PARD3: variants seen among roughly 807,000 people sequenced by gnomAD.
The protein encoded by PARD3 is par-3 family cell polarity regulator.
A neutral mutation model predicts 155.4 loss-of-function variants in PARD3; 75 were observed. The observed-to-expected ratio is 0.48, with a 90% CI of 0.40 to 0.58. The LOEUF (loss-of-function observed/expected upper bound fraction) is 0.58. Among genes scored for constraint, PARD3 ranks in the 20% least tolerant of loss-of-function variants. The pLI is 0.00. For missense variants in PARD3, 1,642 were observed against 1,721.7 expected, an observed-to-expected ratio of 0.95 and a Z score of 0.82; for synonymous variants, 576 against 610.5, an observed-to-expected ratio of 0.94 and a Z score of 0.83.
intron 12 of PARD3, among the ~76,000 whole-genome samples, chr10:34,366,606 T>A (rs1282586176): frequency 6.6e-6 from 1 of 152,090 alleles, no homozygotes; most frequent in African/African-American, 2.4e-5. Flanking sequence ...GAAATTTTCA[T>A]AGACATTAAA....
chr10:34,265,239 G>A (rs1955241561), intron 22 of PARD3, among the ~76,000 whole-genome samples: 1 of 152,026 alleles, frequency 6.6e-6, no homozygotes, highest in Non-Finnish European at 1.5e-5. Flanking sequence ...AACAGACATG[G>A]GACTATTTCT....
intron 23 of PARD3, among the ~76,000 whole-genome samples, chr10:34,130,342 C>T (rs1274923724): frequency 6.6e-6 from 1 of 152,156 alleles, no homozygotes. Flanking sequence ...GACTCCAGCA[C>T]CTCCCTTGGC....
At chr10:34,724,666 T>G (rs193136746) in intron 1 of PARD3, among the ~76,000 whole-genome samples, 3 of 152,242 alleles carry the variant, frequency 2.0e-5, no homozygotes, top group African/African-American at 7.2e-5. Flanking sequence ...GACCACAAAA[T>G]ATTTTTGTTT....
At chr10:34,184,615 G>C (rs1013893379) in intron 22 of PARD3, among the ~76,000 whole-genome samples, 1 of 151,886 alleles carries the variant, frequency 6.6e-6, no homozygotes, top group African/African-American at 2.4e-5. Flanking sequence ...TCTTTAACTA[G>C]GTCTTCCTCT....
rs370694797 is a variant in PARD3 at position 34,316,891 on chromosome 10, T to TTTTA, written c.3065+212_3065+215dup. ...GTTTTCAAATCTGTGCTTTCAGTGC[T>TTTTA]TTTATTTATTTATTTATTTATTTTA... On this transcript the variant is annotated intron_variant, in intron 20 of 24. Coordinates refer to ENST00000374788, the MANE Select transcript of PARD3 (RefSeq NM_001184785.2). 8.4e-3 allele frequency among the ~76,000 whole-genome samples: 1,278 copies of TTTTA among 152,204 alleles called. 13 individuals carry two copies. The highest frequency in any genetic ancestry group is 0.025 in the South Asian group (122 of 4,814).
At chr10:34,204,919 G>A (rs780811879) in intron 22 of PARD3, among the ~76,000 whole-genome samples, 65 of 152,094 alleles carry the variant, frequency 4.3e-4, no homozygotes, top group Non-Finnish European at 8.1e-4. Flanking sequence ...TCATATTAAA[G>A]AACTCCAATA....
At chr10:34,762,917 T>C (rs1837636329) in intron 1 of PARD3, among the ~76,000 whole-genome samples, 1 of 152,198 alleles carries the variant, frequency 6.6e-6, no homozygotes. Context: ...ATAAGAAACA[T>C]TGTACATCAG....
At chr10:34,351,388 T>C (rs942306194) in intron 14 of PARD3, among the ~76,000 whole-genome samples, 2 of 152,172 alleles carry the variant, frequency 1.3e-5, no homozygotes, top group Non-Finnish European at 2.9e-5. Flanking sequence ...TATGTGGAAA[T>C]AGGCTGTTAA....
chr10:34,284,162 C>G lies in PARD3; in HGVS notation c.3149G>C (p.Arg1050Thr), dbSNP rs151262852. 9.4e-6 allele frequency: 15 copies of G among 1,601,252 alleles called. No individual in the cohort carries two copies. The African/African-American group carries it at 2.0e-4, about 22-fold the overall frequency. Reference sequence around the variant, plus strand: ...CTCCTGCTCCTGCTTCATTCGTATCCTCTCCTCTTCTGATGTAAAGGATTC... The same window carrying G: ...CTCCTGCTCCTGCTTCATTCGTATCGTCTCCTCTTCTGATGTAAAGGATTC... Reference protein sequence around the residue: ...IQESFTSEEERIRMKQEQERI... With the variant: ...IQESFTSEEETIRMKQEQERI... Residue 1050 changes from arginine to threonine, a missense_variant, in exon 21 of 25, where the codon AGG becomes ACG. Around this residue, in one of 3 missense-constraint regions of PARD3, gnomAD observed 1,529 missense variants for 1,587.3 expected, o/e 0.96. Coordinates refer to ENST00000374788, the MANE Select transcript of PARD3 (RefSeq NM_001184785.2).
chr10:34,641,584 T>C (rs1000232683), intron 2 of PARD3, among the ~76,000 whole-genome samples: 2 of 152,216 alleles, frequency 1.3e-5, no homozygotes, highest in Non-Finnish European at 2.9e-5. Flanking sequence ...GAGGCCATTC[T>C]GCACACAGCC....
intron 15 of PARD3, chr10:34,346,357 C>T: frequency 1.6e-6 from 2 of 1,285,310 alleles, no homozygotes; most frequent in Non-Finnish European, 1.0e-6. Flanking sequence ...TAGTTTTTCG[C>T]CTTCCTCTGA....
chr10:34,675,755 C>CA lies in PARD3; in HGVS notation c.222+20562dup. On this transcript the variant is annotated intron_variant, in intron 2 of 24. Coordinates refer to ENST00000374788, the MANE Select transcript of PARD3 (RefSeq NM_001184785.2). Reference sequence around the variant, plus strand: ...CCTTTCTACAGGGTCTTCCCTCTGTCAGTATTACAGAGGCCCACCCATTCC... The same window carrying CA: ...CCTTTCTACAGGGTCTTCCCTCTGTCAAGTATTACAGAGGCCCACCCATTCC... 4 of 177,238 alleles carry CA rather than the reference C, an allele frequency of 2.3e-5. No individual in the cohort carries two copies. The South Asian group carries it at 5.1e-4, about 23-fold the overall frequency. The allele number at this position is 177,238 out of a possible 1,614,324, so 11.0% of individuals were successfully genotyped here.
At chr10:34,221,388 C>CTTTT (rs3039277) in intron 22 of PARD3, among the ~76,000 whole-genome samples, 4 of 119,788 alleles carry the variant, frequency 3.3e-5, no homozygotes, top group Non-Finnish European at 5.2e-5. Context: ...CAGGACTTGC[C>CTTTT]TTTTTTTTTT....
intron 3 of PARD3, 65 bp from the exon 4 acceptor site, chr10:34,470,328 G>GTTCTCCT: frequency 8.5e-7 from 1 of 1,177,648 alleles, no homozygotes; most frequent in Non-Finnish European, 1.2e-6. Flanking sequence ...CATGTTAGGA[G>GTTCTCCT]AACGTAGGGA....
intron 2 of PARD3, among the ~76,000 whole-genome samples, chr10:34,639,590 C>T (rs547977988): frequency 5.6e-4 from 85 of 152,232 alleles, no homozygotes; most frequent in African/African-American, 1.8e-3. Flanking sequence ...GGGCACTGTA[C>T]CTCACACCTC....
At chr10:34,426,523 AAAGT>A (rs897183488) in intron 5 of PARD3, among the ~76,000 whole-genome samples, 1 of 152,220 alleles carries the variant, frequency 6.6e-6, no homozygotes, top group African/African-American at 2.4e-5. Context: ...CTATAATTAA[AAAGT>A]AAGATAGGCA....
intron 18 of PARD3, among the ~76,000 whole-genome samples, chr10:34,333,729 TGGTAGAATGTAAAA>T (rs371118266): frequency 6.6e-6 from 1 of 152,068 alleles, no homozygotes; most frequent in African/African-American, 2.4e-5. Flanking sequence ...CATTCAACAA[TGGTAGAATGTAAAA>T]GTTGCAACAG....
At chr10:34,733,866 C>G (rs1177002658) in intron 1 of PARD3, among the ~76,000 whole-genome samples, 3 of 152,006 alleles carry the variant, frequency 2.0e-5, no homozygotes, top group Non-Finnish European at 2.9e-5. Flanking sequence ...AACCATCTTT[C>G]TCAAAACTCC....
At chr10:34,145,049 G>A (rs1588920060) in intron 22 of PARD3, among the ~76,000 whole-genome samples, 1 of 151,570 alleles carries the variant, frequency 6.6e-6, no homozygotes, top group African/African-American at 2.4e-5. Context: ...CTGACAGTTT[G>A]GCTAGGTATG....
Sources: allele counts gnomAD v4.1 joint callset (sites outside exome capture counted in the v4.1 genomes callset), GRCh38; gene constraint gnomAD v4.1.1; regional missense constraint gnomAD v4.1.1; transcripts MANE v1.5; gene names NCBI Gene and HGNC (gene_info 2026-07-23, HGNC 2026-07-21).